Variants in TXNDC9 observed in about 807,000 individuals in gnomAD.
The protein encoded by TXNDC9 is thioredoxin domain-containing protein 9.
TXNDC9 carries 7 observed loss-of-function variants against 23.0 expected under a neutral mutation model. The ratio of observed to expected loss-of-function variants is 0.30; its 90% CI spans 0.17 to 0.57. TXNDC9 has a LOEUF of 0.57. Among genes scored for constraint, TXNDC9 ranks in the 20% least tolerant of loss-of-function variants. TXNDC9 has a pLI of 0.90. For missense variants in TXNDC9, 198 were observed against 252.6 expected, an observed-to-expected ratio of 0.78 and a Z score of 1.47; for synonymous variants, 72 against 90.6, an observed-to-expected ratio of 0.79 and a Z score of 1.17.
Position 99,336,321 on chromosome 2 carries a change from T to C in TXNDC9, c.-115A>G. ...ACTCCGGCTTTTGCCTTGCAGTAGC[T>C]GCCGGCGGCTGCAAACGGGCCGTCA... On this transcript the variant is annotated 5_prime_UTR_variant, in exon 1 of 5. Transcript: ENST00000264255. The C allele has an allele frequency of 2.0e-6, 2 of 985,402 alleles. No individual in the cohort carries two copies. Among genetic ancestry groups the C allele is most frequent in the Non-Finnish European group, 2.4e-6 (2 of 829,952 alleles). 61.0% of individuals were successfully genotyped at this position (985,402 alleles called of 1,614,324 possible).
At chr2:99,324,478 A>C (rs2094209183) in intron 3 of TXNDC9, among the ~76,000 whole-genome samples, 1 of 152,220 alleles carries the variant, frequency 6.6e-6, no homozygotes, top group South Asian at 2.1e-4. Flanking sequence ...ATGGTTTTTA[A>C]ATAAAGCTCA....
At chr2:99,322,817 A>C in intron 3 of TXNDC9, 1 of 975,196 alleles carries the variant, frequency 1.0e-6, no homozygotes, top group Non-Finnish European at 1.3e-6. Flanking sequence ...GCTGGAGTGC[A>C]GTGGCACAAG....
chr2:99,316,563 CTA>C (rs965029672), downstream of TXNDC9, among the ~76,000 whole-genome samples: 7 of 151,718 alleles, frequency 4.6e-5, no homozygotes, highest in Non-Finnish European at 1.0e-4. Flanking sequence ...ATGCATCTTT[CTA>C]TGTTATCTTA....
At chr2:99,322,800 C>T in intron 3 of TXNDC9, 1 of 1,148,090 alleles carries the variant, frequency 8.7e-7, no homozygotes, top group Non-Finnish European at 1.1e-6. Context: ...ATTGCCCTGT[C>T]CCCCAGGCTG....
At chr2:99,321,712 G>A in intron 4 of TXNDC9, 1 of 430,582 alleles carries the variant, frequency 2.3e-6, no homozygotes, top group African/African-American at 2.0e-5. Context: ...AACTTTTATA[G>A]TCAGGAGTAC....
At chr2:99,323,351 G>T (rs1029854975) in intron 3 of TXNDC9, among the ~76,000 whole-genome samples, 16 of 152,036 alleles carry the variant, frequency 1.1e-4, no homozygotes, top group Non-Finnish European at 5.9e-5. Flanking sequence ...AGGCTGCAGT[G>T]AGCCGAAACT....
downstream of TXNDC9, chr2:99,318,954 C>G (rs542417747): frequency 1.3e-4 from 20 of 152,330 alleles, no homozygotes; most frequent in African/African-American, 4.8e-4. Context: ...ACTCCCTATT[C>G]TAAAAGATTG....
intron 3 of TXNDC9, among the ~76,000 whole-genome samples, 172 bp downstream of exon 3, chr2:99,327,363 T>A (rs1260543358): frequency 6.6e-6 from 1 of 152,214 alleles, no homozygotes; most frequent in African/African-American, 2.4e-5. Context: ...CTTGAGTCAC[T>A]GGGCCCCTGC....
In TXNDC9 at chr2:99,319,547, C is replaced by T. The variant is rs545861816; in HGVS notation, c.*135G>A. ...CACAGAAAACAGTAAAGACACTTTT[C>T]GATGTGATACAACTGTATAAAACTC... On this transcript the variant is annotated 3_prime_UTR_variant, in exon 5 of 5. Transcript: ENST00000264255. 1.8e-5 allele frequency: 11 copies of T among 616,966 alleles called. No homozygotes were observed. The highest frequency in any genetic ancestry group is 1.4e-4 in the South Asian group (6 of 43,552). The allele number at this position is 616,966 out of a possible 1,614,324, so 38.2% of individuals were successfully genotyped here. A position where few individuals can be genotyped will look rare whatever the true frequency, so the allele number is the denominator to read the frequency against.
Position 99,322,062 on chromosome 2 carries a change from C to A in TXNDC9, c.456G>T (p.Gly152=), listed in dbSNP as rs1234949071. 5.0e-6 allele frequency: 8 copies of A among 1,613,980 alleles called. No homozygotes were observed. In the African/African-American group the frequency reaches 8.0e-5, roughly 16 times the overall value. Residue 152 remains glycine, a synonymous_variant, in exon 4 of 5, where the codon GGG becomes GGT. Coordinates refer to ENST00000264255, the MANE Select transcript of TXNDC9 (RefSeq NM_005783.4). Reference sequence around the variant, plus strand: ...ACCCAACAACATAATCTTGTGTTTTCCCATCTTTTAGCAGTGCTAGTGTGG... The same window carrying A: ...ACCCAACAACATAATCTTGTGTTTTACCATCTTTTAGCAGTGCTAGTGTGG... ...VIPTLALLKD[G]KTQDYVVGFT...
chr2:99,315,506 A>G (rs1489907966), downstream of TXNDC9, among the ~76,000 whole-genome samples: 2 of 152,202 alleles, frequency 1.3e-5, no homozygotes, highest in Non-Finnish European at 2.9e-5. Context: ...ATCTGTTGGT[A>G]TCAATTGCAG....
chr2:99,319,844 A>G, intron 4 of TXNDC9, 45 bp from the exon 5 acceptor site: 1 of 1,227,552 alleles, frequency 8.1e-7, no homozygotes. Context: ...ATTTAGTACT[A>G]GTATACTAAA....
intron 1 of TXNDC9, among the ~76,000 whole-genome samples, 182 bp downstream of exon 1, chr2:99,336,057 A>T (rs1276663816): frequency 1.3e-5 from 2 of 152,224 alleles, no homozygotes; most frequent in African/African-American, 2.4e-5. Flanking sequence ...GAAACAGAGG[A>T]AAGCACAGTC....
downstream of TXNDC9, among the ~76,000 whole-genome samples, chr2:99,314,965 G>A (rs1317586088): frequency 1.4e-5 from 2 of 139,530 alleles, no homozygotes; most frequent in East Asian, 2.1e-4. Context: ...GCATGATCTC[G>A]GCTCACTGCA....
chr2:99,317,042 T>C (rs546645774), downstream of TXNDC9, among the ~76,000 whole-genome samples: 80 of 152,262 alleles, frequency 5.3e-4, no homozygotes, highest in South Asian at 2.5e-3. Flanking sequence ...AGGCGTGAGC[T>C]ACCGCGCCCA....
chr2:99,334,689 A>G (rs2094234423), intron 1 of TXNDC9, among the ~76,000 whole-genome samples: 1 of 152,208 alleles, frequency 6.6e-6, no homozygotes, highest in South Asian at 2.1e-4. Context: ...GAAATGGAGT[A>G]TTTTGTACTA....
downstream of TXNDC9, among the ~76,000 whole-genome samples, chr2:99,318,816 A>G (rs1167124500): frequency 6.6e-6 from 1 of 152,138 alleles, no homozygotes; most frequent in Non-Finnish European, 1.5e-5. Flanking sequence ...CTTGCTTGCA[A>G]AAGGGCTTCT....
At chr2:99,325,331 T>C (rs1393786566) in intron 3 of TXNDC9, among the ~76,000 whole-genome samples, 1 of 152,200 alleles carries the variant, frequency 6.6e-6, no homozygotes, top group Non-Finnish European at 1.5e-5. Context: ...CTCTCTTTTT[T>C]TTATCATTTA....
chr2:99,324,773 G>C (rs2105321827), intron 3 of TXNDC9, among the ~76,000 whole-genome samples: 1 of 151,924 alleles, frequency 6.6e-6, no homozygotes, highest in East Asian at 1.9e-4. Context: ...AAGACAGAGT[G>C]TCTTGCTCTG....
Sources: gnomAD v4.1 joint callset for allele counts (sites outside exome capture counted in the v4.1 genomes callset) on GRCh38, gnomAD v4.1.1 for gene constraint, MANE v1.5 for transcripts, NCBI Gene and HGNC (gene_info 2026-07-23, HGNC 2026-07-21) for gene names.